Variants in SEMA3E observed in about 807,000 individuals in gnomAD.
SEMA3E encodes the protein semaphorin 3E.
SEMA3E carries 49 observed loss-of-function variants against 93.6 expected under a neutral mutation model. That is an observed-to-expected ratio of 0.52 (90% confidence interval 0.42 to 0.66). The LOEUF is 0.66. Among genes scored for constraint, SEMA3E ranks in the 30% least tolerant of loss-of-function variants. The probability of loss-of-function intolerance (pLI) is 0.00; values close to 1 mark genes in which losing one functional copy is unlikely to be tolerated. For missense variants in SEMA3E, 906 were observed against 964.8 expected, an observed-to-expected ratio of 0.94 and a Z score of 0.81; for synonymous variants, 363 against 330.7, an observed-to-expected ratio of 1.10 and a Z score of -1.06.
At chr7:83,389,336 A>ATTTTATACTATCCCCGTAT (rs753668404) in intron 14 of SEMA3E, among the ~76,000 whole-genome samples, 3 of 151,116 alleles carry the variant, frequency 2.0e-5, no homozygotes, top group East Asian at 2.0e-4. Context: ...GAATAAAATC[A>ATTTTATACTATCCCCGTAT]ACAAAATGAG....
chr7:83,415,056 C>T (rs1197714423), intron 5 of SEMA3E, among the ~76,000 whole-genome samples: 1 of 152,084 alleles, frequency 6.6e-6, no homozygotes, highest in Non-Finnish European at 1.5e-5. Context: ...CAAAATGACA[C>T]ATGACATAAA....
chr7:83,407,282 C>T lies in SEMA3E; in HGVS notation c.671-43G>A, dbSNP rs751671630. On this transcript the variant is annotated intron_variant, in intron 6 of 16. Coordinates refer to ENST00000643230, the MANE Select transcript of SEMA3E (RefSeq NM_012431.3). ...AGGAGAAAAAGTGAAATAGATATTA[C>T]AACTAAATGCTAACAAGTTATTCCA... The T allele has an allele frequency of 1.3e-5, 20 of 1,512,542 alleles. No homozygotes were observed. The South Asian group carries it at 2.3e-4, about 17-fold the overall frequency. 93.7% of individuals were successfully genotyped at this position (1,512,542 alleles called of 1,614,324 possible). A position where few individuals can be genotyped will look rare whatever the true frequency, so the allele number is the denominator to read the frequency against.
In SEMA3E at chr7:83,482,564, C is replaced by CAAAAAAA. The variant is rs11429680; in HGVS notation, c.276+7543_276+7549dup. On this transcript the variant is annotated intron_variant, in intron 2 of 16. Transcript: ENST00000643230. ...TGCGCGACAGAGCCACACTCCGTCT[C>CAAAAAAA]AAAAAAAAAAAAAAAAAAAAAAAAT... Among the ~76,000 whole-genome samples the CAAAAAAA allele has an allele frequency of 8.6e-4, 69 of 80,230 alleles. 2 individuals carry two copies. The highest frequency in any genetic ancestry group is 3.9e-3 in the African/African-American group (68 of 17,382). The allele number at this position is 80,230 out of a possible 152,430, so 52.6% of individuals were successfully genotyped here. A position where few individuals can be genotyped will look rare whatever the true frequency, so the allele number is the denominator to read the frequency against.
In SEMA3E at chr7:83,375,614, G is replaced by A. The variant is rs1029598099; in HGVS notation, c.1876-7576C>T. Reference sequence around the variant, plus strand: ...AGGAACTTGCAAGTGAAAGGAATTGGTATTTTGGAGTATCTACTGTACATG... The same window carrying A: ...AGGAACTTGCAAGTGAAAGGAATTGATATTTTGGAGTATCTACTGTACATG... On this transcript the variant is annotated intron_variant, in intron 16 of 16. Coordinates refer to ENST00000643230, the MANE Select transcript of SEMA3E (RefSeq NM_012431.3). Among the ~76,000 whole-genome samples the A allele has an allele frequency of 3.3e-5, 5 of 152,096 alleles. No homozygotes were observed. In the South Asian group the frequency reaches 1.0e-3, roughly 32 times the overall value.
At chr7:83,377,488 T>C (rs1363800115) in intron 16 of SEMA3E, among the ~76,000 whole-genome samples, 1 of 151,972 alleles carries the variant, frequency 6.6e-6, no homozygotes, top group Non-Finnish European at 1.5e-5. Flanking sequence ...GGTAAACAAA[T>C]GGGTGTGGCA....
intron 4 of SEMA3E, among the ~76,000 whole-genome samples, chr7:83,459,232 G>C (rs1171099601): frequency 6.6e-6 from 1 of 151,830 alleles, no homozygotes; most frequent in Non-Finnish European, 1.5e-5. Context: ...AACATCAATA[G>C]GAATAAAGCT....
chr7:83,501,493 C>G (rs1469975970), intron 1 of SEMA3E, among the ~76,000 whole-genome samples: 5 of 152,098 alleles, frequency 3.3e-5, no homozygotes, highest in African/African-American at 1.2e-4. Context: ...TTCTCTGTCA[C>G]CCATGCTGGA....
chr7:83,501,302 G>C (rs1458451323), intron 1 of SEMA3E, among the ~76,000 whole-genome samples: 5 of 152,168 alleles, frequency 3.3e-5, no homozygotes, highest in Non-Finnish European at 5.9e-5. Flanking sequence ...GTGTACAAAA[G>C]TGTAATGTTA....
rs933577629 is a variant in SEMA3E at position 83,607,171 on chromosome 7, G to A, written c.115+41257C>T. Among the ~76,000 whole-genome samples the A allele has an allele frequency of 3.7e-4, 56 of 152,158 alleles. 1 individual carries two copies. The highest frequency in any genetic ancestry group is 1.4e-3 in the African/African-American group (56 of 41,444). The stretch of plus-strand genomic sequence containing the variant: ...CCCTAGTGTGAAATGACCTAAAGCT[G>A]TACTTACATAACTTTTAAAAAGTAC... On this transcript the variant is annotated intron_variant, in intron 1 of 16. Coordinates refer to ENST00000643230, the MANE Select transcript of SEMA3E (RefSeq NM_012431.3).
intron 1 of SEMA3E, among the ~76,000 whole-genome samples, chr7:83,498,199 T>C (rs2115587566): frequency 6.6e-6 from 1 of 152,244 alleles, no homozygotes; most frequent in Non-Finnish European, 1.5e-5. Flanking sequence ...AGGTTTCTGG[T>C]CAACAGTAGG....
At chr7:83,556,444 A>C (rs1791890278) in intron 1 of SEMA3E, among the ~76,000 whole-genome samples, 1 of 152,162 alleles carries the variant, frequency 6.6e-6, no homozygotes, top group African/African-American at 2.4e-5. Flanking sequence ...AGTGAACAAA[A>C]CAGACAATGA....
chr7:83,393,280 TC>T (rs1788053883), intron 13 of SEMA3E, among the ~76,000 whole-genome samples: 1 of 151,970 alleles, frequency 6.6e-6, no homozygotes, highest in Non-Finnish European at 1.5e-5. Flanking sequence ...ATGCCTGTAA[TC>T]CCAGCACTTT....
At chr7:83,445,578 C>T (rs1020481440) in intron 4 of SEMA3E, among the ~76,000 whole-genome samples, 3 of 152,002 alleles carry the variant, frequency 2.0e-5, no homozygotes, top group Non-Finnish European at 2.9e-5. Context: ...ATTAGCTGGG[C>T]GTCCTGGTGG....
At chr7:83,385,577 T>A (rs554452292) in intron 15 of SEMA3E, 144 bp from the exon 16 acceptor site, 1 of 972,400 alleles carries the variant, frequency 1.0e-6, no homozygotes, top group Non-Finnish European at 1.6e-6. Flanking sequence ...AAAGGAATTA[T>A]TTAGAAAGAG....
intron 10 of SEMA3E, among the ~76,000 whole-genome samples, chr7:83,401,009 C>G (rs945851286): frequency 2.6e-5 from 4 of 151,954 alleles, no homozygotes; most frequent in African/African-American, 9.7e-5. Context: ...AACAAAAAAA[C>G]CTATTCAGAT....
chr7:83,554,305 T>C (rs1020819777), intron 1 of SEMA3E, among the ~76,000 whole-genome samples: 5 of 152,182 alleles, frequency 3.3e-5, no homozygotes, highest in Admixed American at 6.5e-5. Flanking sequence ...TAATCTTAAA[T>C]CAGGATTTTC....
intron 1 of SEMA3E, among the ~76,000 whole-genome samples, chr7:83,626,048 G>A (rs1793662324): frequency 6.6e-6 from 1 of 152,178 alleles, no homozygotes; most frequent in South Asian, 2.1e-4. Context: ...GCATCCCAGG[G>A]ATGAAGCTGA....
intron 4 of SEMA3E, among the ~76,000 whole-genome samples, chr7:83,438,052 C>T (rs1181863860): frequency 2.6e-5 from 4 of 152,074 alleles, no homozygotes; most frequent in Non-Finnish European, 4.4e-5. Context: ...AATTAAATAT[C>T]GAGTTCTGAG....
chr7:83,503,791 C>G (rs1344669092), intron 1 of SEMA3E, among the ~76,000 whole-genome samples: 1 of 152,122 alleles, frequency 6.6e-6, no homozygotes, highest in African/African-American at 2.4e-5. Flanking sequence ...TCTTATGAGA[C>G]CACCCTCATA....
Sources: gnomAD v4.1 joint callset for allele counts (sites outside exome capture counted in the v4.1 genomes callset) on GRCh38, gnomAD v4.1.1 for gene constraint, MANE v1.5 for transcripts, NCBI Gene and HGNC (gene_info 2026-07-23, HGNC 2026-07-21) for gene names.